The following CNOT1 variants were observed in gnomAD, a reference collection of about 807,000 sequenced individuals.
CNOT1 encodes CCR4-NOT transcription complex subunit 1.
In CNOT1, 15 loss-of-function variants were observed where a neutral mutation model predicts 273.8. That is an observed-to-expected ratio of 0.05 (90% CI 0.04 to 0.08). The LOEUF (loss-of-function observed/expected upper bound fraction) is 0.08, where lower values mean the gene tolerates loss of function less well. Ranked by LOEUF, CNOT1 falls within the 10% of genes least tolerant of loss-of-function variation. The pLI is 1.00. For missense variants in CNOT1, 1,644 were observed against 2,912.2 expected (o/e 0.56, Z 10.02); for synonymous variants, 1,022 against 1,005.5 (o/e 1.02, Z -0.31).
Position 58,539,841 on chromosome 16 carries a change from C to A in CNOT1, c.4919G>T (p.Arg1640Leu). 6.2e-7 allele frequency: 1 copy of A among 1,614,094 alleles called. No individual in the cohort carries two copies. The highest frequency in any genetic ancestry group is 8.5e-7 in the Non-Finnish European group (1 of 1,180,022). ...TAAAACTACAACCTCCAAGAGACTT[C>A]GAAGAGCCTGAGCTTGAGGGTTCAT... ...LAMNPQAQAL[R>L]SLLEVVVLSR... Residue 1640 changes from arginine to leucine, a missense_variant, in exon 35 of 49, where the codon CGA (arginine) becomes CTA (leucine). Physicochemically the swap from Arg to Leu is moderately radical, Grantham distance 102 (BLOSUM62 -2). Around this residue, in one of 13 missense-constraint regions of CNOT1, gnomAD observed 170 missense variants for 273.1 expected, o/e 0.62. Coordinates refer to ENST00000317147, the MANE Select transcript of CNOT1 (RefSeq NM_016284.5).
chr16:58,542,099 T>C (rs1325567026), intron 33 of CNOT1, 132 bp downstream of exon 33: 1 of 1,118,736 alleles, frequency 8.9e-7, no homozygotes, highest in Non-Finnish European at 1.3e-6. Context: ...AGTGAAATGC[T>C]ATCAAGTTAA....
At chr16:58,599,564 AAGG>A (rs2152007759) in intron 1 of CNOT1, 53 bp from the exon 2 acceptor site, 2 of 560,304 alleles carry the variant, frequency 3.6e-6, no homozygotes, top group Non-Finnish European at 6.1e-6. Flanking sequence ...TAAAAGGAAA[AAGG>A]AGGCTGGTCC....
At chr16:58,621,687 G>A (rs2043322409) in intron 1 of CNOT1, among the ~76,000 whole-genome samples, 1 of 150,028 alleles carries the variant, frequency 6.7e-6, no homozygotes, top group Admixed American at 6.6e-5. Flanking sequence ...GGGAGGCCGA[G>A]GCGGGCAGAT....
At chr16:58,619,435 T>A (rs2043222628) in intron 1 of CNOT1, among the ~76,000 whole-genome samples, 1 of 151,368 alleles carries the variant, frequency 6.6e-6, no homozygotes, top group Admixed American at 6.6e-5. Context: ...TTTCTTTCTT[T>A]TTTTTTTTTT....
intron 28 of CNOT1, 66 bp downstream of exon 28, chr16:58,546,606 T>A: frequency 6.2e-7 from 1 of 1,612,058 alleles, no homozygotes; most frequent in Non-Finnish European, 8.5e-7. Context: ...ATACCCTGCC[T>A]TCACTGTAAG....
chr16:58,625,897 G>A (rs989486648), intron 1 of CNOT1, among the ~76,000 whole-genome samples: 2 of 151,384 alleles, frequency 1.3e-5, no homozygotes, highest in African/African-American at 4.9e-5. Context: ...ACACTGGGGG[G>A]CAGAAGGTGT....
At chr16:58,615,112 G>T (rs529279603) in intron 1 of CNOT1, among the ~76,000 whole-genome samples, 3 of 124,698 alleles carry the variant, frequency 2.4e-5, no homozygotes, top group South Asian at 2.3e-4. Context: ...CAACACGCTT[G>T]CCCAGCAGAG....
At position 58,565,818 on chromosome 16, in the gene CNOT1, G is replaced by A. The variant is rs188674027; in HGVS notation, c.1980-5456C>T. 5.1e-4 allele frequency among the ~76,000 whole-genome samples: 78 copies of A among 151,968 alleles called. 1 individual carries two copies. The highest frequency in any genetic ancestry group is 1.0e-3 in the Admixed American group (16 of 15,248). ...AAATTAGCCAGGTGTGGTAGTGTGC[G>A]CCTGTCGTCCCAGCTACTCAGGAGG... On this transcript the variant is annotated intron_variant, in intron 16 of 48. Coordinates refer to ENST00000317147, the MANE Select transcript of CNOT1 (RefSeq NM_016284.5).
rs374813207 is a variant in CNOT1, at chr16:58,616,903, G to A, written c.-175+12825C>T. Among the ~76,000 whole-genome samples, 14 of 152,012 alleles carry A rather than the reference G, an allele frequency of 9.2e-5. No individual in the cohort carries two copies. In the South Asian group the frequency reaches 2.9e-3, roughly 32 times the overall value. Reference sequence around the variant, plus strand: ...GTCTTGTGATTTATACCAAGAATAAGTAAATCTAAAGTGAACAAAATAAAC... The same window carrying A: ...GTCTTGTGATTTATACCAAGAATAAATAAATCTAAAGTGAACAAAATAAAC... On this transcript the variant is annotated intron_variant, in intron 1 of 48. Coordinates refer to ENST00000317147, the MANE Select transcript of CNOT1 (RefSeq NM_016284.5).
Position 58,555,423 on chromosome 16 carries a change from C to A in CNOT1, c.2719G>T (p.Asp907Tyr). ...EEYRFFPQYP[D>Y]KELHITACLF... ...CAGGCTGTTATATGTAACTCTTTAT[C>A]AGGATACTGGGGAAAAAAACGATAT... Residue 907 changes from aspartate to tyrosine, a missense_variant, in exon 21 of 49, where the codon GAT becomes TAT. Around this residue, in one of 13 missense-constraint regions of CNOT1, gnomAD observed 74 missense variants for 184.6 expected, o/e 0.40. Transcript: ENST00000317147. 1 of 1,614,142 alleles carries A rather than the reference C, an allele frequency of 6.2e-7. No individual in the cohort carries two copies. The highest frequency in any genetic ancestry group is 8.5e-7 in the Non-Finnish European group (1 of 1,180,030).
intron 1 of CNOT1, among the ~76,000 whole-genome samples, chr16:58,622,773 G>T (rs935002690): frequency 2.0e-5 from 3 of 151,516 alleles, no homozygotes; most frequent in African/African-American, 7.3e-5. Context: ...CTTGAAACCT[G>T]GAGGCAGAGG....
rs780544931 is a variant in CNOT1 at position 58,547,711 on chromosome 16, T to A, written c.3523-29A>T. On this transcript the variant is annotated intron_variant, in intron 25 of 48. Coordinates refer to ENST00000317147, the MANE Select transcript of CNOT1 (RefSeq NM_016284.5). The surrounding 1 kb of genome is among the most constrained non-coding windows in gnomAD (Gnocchi z 4.0). ...AAATAGTGTAAGATTAAGAAAGATA[T>A]GAGAATAAGCTTATGAAAGAAAACT... 3.1e-6 allele frequency: 5 copies of A among 1,598,124 alleles called. No homozygotes were observed. The highest frequency in any genetic ancestry group is 4.3e-6 in the Non-Finnish European group (5 of 1,170,846).
chr16:58,621,829 TGAAC>T (rs2043331851), intron 1 of CNOT1, among the ~76,000 whole-genome samples: 1 of 142,474 alleles, frequency 7.0e-6, no homozygotes, highest in Non-Finnish European at 1.5e-5. Context: ...GAGAATGGCA[TGAAC>T]CCGGGAGGCG....
intron 8 of CNOT1, among the ~76,000 whole-genome samples, chr16:58,584,420 T>C (rs1392485474): frequency 2.0e-5 from 3 of 151,772 alleles, no homozygotes; most frequent in African/African-American, 7.3e-5. Context: ...AATCTCCACC[T>C]CCTGGGTTCA....
At chr16:58,586,878 C>A in intron 6 of CNOT1, 130 bp from the exon 7 acceptor site, 1 of 1,104,948 alleles carries the variant, frequency 9.1e-7, no homozygotes, top group Non-Finnish European at 1.3e-6. Flanking sequence ...AATGCTTTCT[C>A]TAGCTGACAG....
At chr16:58,597,153 G>T (rs541144355) in intron 2 of CNOT1, among the ~76,000 whole-genome samples, 1 of 150,284 alleles carries the variant, frequency 6.7e-6, no homozygotes, top group Non-Finnish European at 1.5e-5. Flanking sequence ...ACAATTTCTA[G>T]AAAGTAGAAA....
At chr16:58,594,726 C>G (rs2042188108) in intron 2 of CNOT1, among the ~76,000 whole-genome samples, 1 of 151,516 alleles carries the variant, frequency 6.6e-6, no homozygotes, top group Non-Finnish European at 1.5e-5. Flanking sequence ...CACTTGAACC[C>G]AGGAGGCGGG....
chr16:58,522,237 CAAAAAAAAAAAAAAAAAAAAAA>C (rs56149974), intron 47 of CNOT1, among the ~76,000 whole-genome samples: 1 of 98,556 alleles, frequency 1.0e-5, no homozygotes, highest in East Asian at 2.5e-4. Context: ...GAGACTGTCT[CAAAAAAAAAAAAAAAAAAAAAA>C]AAAAAAAAGC....
chr16:58,603,414 T>TGTGA (rs2042547433), intron 1 of CNOT1, among the ~76,000 whole-genome samples: 2 of 20,064 alleles, frequency 1.0e-4, no homozygotes, highest in Admixed American at 7.8e-4. Context: ...TAAAAGTGTG[T>TGTGA]GTGTGTGTGT....
Sources: allele counts gnomAD v4.1 joint callset (sites outside exome capture counted in the v4.1 genomes callset), GRCh38; gene constraint gnomAD v4.1.1; regional missense constraint gnomAD v4.1.1; non-coding constraint Gnocchi (gnomAD v3.1); transcripts MANE v1.5; gene names NCBI Gene and HGNC (gene_info 2026-07-23, HGNC 2026-07-21).